Variants in ME3 observed in about 807,000 individuals in gnomAD.
The protein encoded by ME3 is NADP-dependent malic enzyme, mitochondrial.
Under a neutral mutation model 68.9 loss-of-function variants are expected in ME3, and 48 were observed. The ratio of observed to expected loss-of-function variants is 0.70; its 90% CI spans 0.55 to 0.89. The LOEUF is 0.89. Among genes scored for constraint, ME3 ranks in the 40% least tolerant of loss-of-function variants. The pLI is 0.00. For missense variants in ME3, 675 were observed against 797.4 expected, an observed-to-expected ratio of 0.85 and a Z score of 1.85; for synonymous variants, 320 against 318.8, an observed-to-expected ratio of 1.00 and a Z score of -0.04.
chr11:86,650,715 T>C (rs1290405401), intron 2 of ME3, among the ~76,000 whole-genome samples: 2 of 152,158 alleles, frequency 1.3e-5, no homozygotes, highest in Admixed American at 1.3e-4. Flanking sequence ...AGGTACTGGG[T>C]TCATCTCACC....
At chr11:86,600,910 C>T (rs1960527978) in intron 2 of ME3, among the ~76,000 whole-genome samples, 3 of 150,430 alleles carry the variant, frequency 2.0e-5, no homozygotes, top group Admixed American at 1.3e-4. Context: ...CCAATGAGAA[C>T]AAAGACACAA....
At chr11:86,559,634 G>A (rs1957101430) in intron 3 of ME3, 56 bp downstream of exon 3, 10 of 1,552,012 alleles carry the variant, frequency 6.4e-6, no homozygotes, top group Non-Finnish European at 8.8e-6. Flanking sequence ...TGAAGCACAG[G>A]AAACAGACAG....
intron 4 of ME3, among the ~76,000 whole-genome samples, chr11:86,540,429 T>C (rs1955967567): frequency 6.6e-6 from 1 of 152,148 alleles, no homozygotes; most frequent in African/African-American, 2.4e-5. Context: ...TTCTTTGGCC[T>C]CTTGAACCTG....
intron 13 of ME3, among the ~76,000 whole-genome samples, chr11:86,444,895 T>C (rs1949197022): frequency 6.6e-6 from 1 of 152,186 alleles, no homozygotes. Flanking sequence ...GGGAGGGACC[T>C]TATCTTGCTC....
At chr11:86,567,846 A>G (rs1008163918) in intron 2 of ME3, among the ~76,000 whole-genome samples, 10 of 152,226 alleles carry the variant, frequency 6.6e-5, no homozygotes, top group African/African-American at 2.2e-4. Context: ...CTAGGGCTTA[A>G]GGGGGAAGTG....
intron 8 of ME3, among the ~76,000 whole-genome samples, chr11:86,451,850 C>A (rs1227954524): frequency 6.6e-6 from 1 of 152,202 alleles, no homozygotes; most frequent in African/African-American, 2.4e-5. Flanking sequence ...AAAAGATGGG[C>A]AGCAATATGC....
At chr11:86,526,050 T>C (rs1954720382) in intron 4 of ME3, among the ~76,000 whole-genome samples, 1 of 152,174 alleles carries the variant, frequency 6.6e-6, no homozygotes, top group Admixed American at 6.5e-5. Context: ...GCACCGAGCA[T>C]GAGCCGAAGC....
At chr11:86,588,551 T>C (rs1958871141) in intron 2 of ME3, among the ~76,000 whole-genome samples, 1 of 152,038 alleles carries the variant, frequency 6.6e-6, no homozygotes, top group Non-Finnish European at 1.5e-5. Flanking sequence ...CCCCAATACG[T>C]TTGGCTTACT....
intron 4 of ME3, among the ~76,000 whole-genome samples, chr11:86,531,845 AG>A (rs1955260716): frequency 8.3e-6 from 1 of 120,526 alleles, no homozygotes; most frequent in Non-Finnish European, 1.7e-5. Context: ...GGGAGGGGGG[AG>A]GCATAGCACT....
chr11:86,559,829 A>G lies in ME3; in HGVS notation c.184-6T>C. The G allele has an allele frequency of 1.2e-6, 2 of 1,612,800 alleles. No individual in the cohort carries two copies. The highest frequency in any genetic ancestry group is 4.5e-5 in the East Asian group (2 of 44,840). On this transcript the variant is annotated splice_polypyrimidine_tract_variant and splice_region_variant and intron_variant, in intron 2 of 14. Coordinates refer to ENST00000543262, the Ensembl canonical transcript of ME3. ...TCAAGGGTAAAGGCCATCCCCTGGG[A>G]AAAACAGGAAAAGAACACCCACACA... is the stretch of plus-strand genomic sequence containing the variant.
chr11:86,487,319 A>G lies in ME3; in HGVS notation c.809+18T>C, dbSNP rs763950722. 1.2e-6 allele frequency: 2 copies of G among 1,605,104 alleles called. No homozygotes were observed. The highest frequency in any genetic ancestry group is 1.1e-5 in the South Asian group (1 of 90,872). The stretch of plus-strand genomic sequence containing the variant: ...TCTTAAAAGTCCTCTTTCAAAAGGG[A>G]CAGACTGGTCCACTTACTTGTCTGT... On this transcript the variant is annotated intron_variant, in intron 7 of 14. Coordinates refer to ENST00000543262, the Ensembl canonical transcript of ME3.
intron 4 of ME3, among the ~76,000 whole-genome samples, chr11:86,525,985 C>T (rs1032134029): frequency 1.6e-4 from 24 of 152,118 alleles, no homozygotes; most frequent in South Asian, 4.1e-4. Context: ...ACTGAGGTAC[C>T]GAGTTCATCT....
chr11:86,511,036 C>T (rs887823029), intron 4 of ME3, among the ~76,000 whole-genome samples: 8 of 152,176 alleles, frequency 5.3e-5, no homozygotes, highest in Non-Finnish European at 7.3e-5. Flanking sequence ...TTATACAACC[C>T]GTTGCCAAGT....
At position 86,574,808 on chromosome 11, in the gene ME3, G is replaced by A. The variant is rs559388839; in HGVS notation, c.184-14985C>T. On this transcript the variant is annotated intron_variant, in intron 2 of 14. Coordinates refer to ENST00000543262, the Ensembl canonical transcript of ME3. Reference sequence around the variant, plus strand: ...GTAGTCGCTCTTAAAAGGAAGGGGCGGGAAAGTTTTTAAAGTCAAAAAACT... The same window carrying A: ...GTAGTCGCTCTTAAAAGGAAGGGGCAGGAAAGTTTTTAAAGTCAAAAAACT... Among the ~76,000 whole-genome samples, 10 of 152,246 alleles carry A rather than the reference G, an allele frequency of 6.6e-5. No individual in the cohort carries two copies. In the East Asian group the frequency reaches 1.3e-3, roughly 21 times the overall value.
intron 2 of ME3, among the ~76,000 whole-genome samples, chr11:86,602,652 T>C (rs1226444202): frequency 2.6e-5 from 4 of 152,126 alleles, no homozygotes; most frequent in Admixed American, 6.5e-5. Flanking sequence ...AGTAAGTCAA[T>C]CCTAAGCCAA....
At chr11:86,555,609 C>T (rs958778999) in intron 4 of ME3, among the ~76,000 whole-genome samples, 2 of 152,174 alleles carry the variant, frequency 1.3e-5, no homozygotes, top group African/African-American at 4.8e-5. Context: ...CCAACGGTAA[C>T]AGTGGGATCC....
intron 2 of ME3, among the ~76,000 whole-genome samples, chr11:86,669,143 G>A (rs1297438031): frequency 6.6e-6 from 1 of 152,126 alleles, no homozygotes; most frequent in Non-Finnish European, 1.5e-5. Context: ...CCAGTGGGAA[G>A]AGAAGGGCAC....
chr11:86,563,119 A>G (rs1409798772), intron 2 of ME3, among the ~76,000 whole-genome samples: 2 of 152,100 alleles, frequency 1.3e-5, no homozygotes, highest in African/African-American at 2.4e-5. Flanking sequence ...TGAATAGCAC[A>G]GTGATGAACA....
At chr11:86,621,361 AG>A (rs1173377625) in intron 2 of ME3, among the ~76,000 whole-genome samples, 2 of 152,148 alleles carry the variant, frequency 1.3e-5, no homozygotes, top group Non-Finnish European at 2.9e-5. Flanking sequence ...GCTACATCAT[AG>A]TTTTTAAACT....
Sources: allele counts gnomAD v4.1 joint callset (sites outside exome capture counted in the v4.1 genomes callset), GRCh38; gene constraint gnomAD v4.1.1; transcripts MANE v1.5; gene names NCBI Gene and HGNC (gene_info 2026-07-23, HGNC 2026-07-21).